ADAMDEC1: variants seen among roughly 807,000 people sequenced by gnomAD.
ADAMDEC1 encodes ADAM DEC1.
ADAMDEC1 carries 62 observed loss-of-function variants against 60.4 expected under a neutral mutation model. That is an observed-to-expected ratio of 1.03 (90% CI 0.84 to 1.27). The LOEUF (loss-of-function observed/expected upper bound fraction) is 1.27, where lower values mean the gene tolerates loss of function less well. Among genes scored for constraint, ADAMDEC1 ranks in the 50% most tolerant of loss-of-function variants. ADAMDEC1 has a pLI of 0.00. For synonymous variants in ADAMDEC1, 210 were observed against 195.1 expected (o/e 1.08, Z -0.64); for missense variants, 595 against 565.0 (o/e 1.05, Z -0.54).
chr8:24,401,766 C>G, intron 11 of ADAMDEC1, 149 bp from the exon 12 acceptor site: 1 of 662,882 alleles, frequency 1.5e-6, no homozygotes. Context: ...CAGGGCAGTC[C>G]TAAATGGTTG....
At chr8:24,394,251 C>A in intron 4 of ADAMDEC1, 104 bp downstream of exon 4, 2 of 874,032 alleles carry the variant, frequency 2.3e-6, no homozygotes, top group South Asian at 3.7e-5. Context: ...TTATAAAATT[C>A]ATAGGTCCAT....
intron 1 of ADAMDEC1, among the ~76,000 whole-genome samples, chr8:24,388,243 C>T (rs1248103770): frequency 2.0e-5 from 3 of 152,096 alleles, no homozygotes. Flanking sequence ...CGTCCTTTCC[C>T]TATAGTTTTT....
intron 1 of ADAMDEC1, chr8:24,387,709 C>T (rs1817330178): frequency 6.6e-6 from 1 of 152,198 alleles, no homozygotes; most frequent in Non-Finnish European, 1.5e-5. Flanking sequence ...GCTTGAAAAT[C>T]CCCTCAAACT....
chr8:24,403,744 A>G (rs533526793), intron 12 of ADAMDEC1, among the ~76,000 whole-genome samples: 9 of 152,278 alleles, frequency 5.9e-5, no homozygotes, highest in Admixed American at 2.6e-4. Flanking sequence ...GGACTTACAC[A>G]TCATACATCT....
At chr8:24,389,006 G>C (rs1047746709) in intron 1 of ADAMDEC1, among the ~76,000 whole-genome samples, 11 of 152,148 alleles carry the variant, frequency 7.2e-5, no homozygotes, top group African/African-American at 2.4e-4. Context: ...GTTCAGAAGG[G>C]ATGTACGGGA....
At position 24,397,375 on chromosome 8, in the gene ADAMDEC1, A is replaced by C; in HGVS notation, c.546A>C (p.Pro182=). ...CATCTAACCAGGAGGAACAAGACCC[A>C]GCTAACCACACATGTGGTGTGAAGA... ...VFTSNQEEQD[P]ANHTCGVKST... is the part of the protein sequence containing the mutation. The change falls in exon 6 of 14, where the codon CCA becomes CCC. Residue 182 remains proline (P), a synonymous_variant. Transcript: ENST00000256412. 6.2e-7 allele frequency: 1 copy of C among 1,614,136 alleles called. No homozygotes were observed. The highest frequency in any genetic ancestry group is 8.5e-7 in the Non-Finnish European group (1 of 1,179,978).
At chr8:24,392,513 C>T (rs1431528113) in intron 2 of ADAMDEC1, 133 bp downstream of exon 2, 18 of 604,280 alleles carry the variant, frequency 3.0e-5, no homozygotes, top group Non-Finnish European at 4.2e-5. Context: ...TACAACTCCC[C>T]TTTGTTCAGG....
At chr8:24,395,828 A>C in intron 5 of ADAMDEC1, 32 bp downstream of exon 5, 1 of 1,550,030 alleles carries the variant, frequency 6.5e-7, no homozygotes, top group Non-Finnish European at 8.9e-7. Context: ...ACTCAAGATC[A>C]AGAAGCTTTT....
At chr8:24,398,733 C>T in intron 8 of ADAMDEC1, 141 bp from the exon 9 acceptor site, 2 of 1,031,476 alleles carry the variant, frequency 1.9e-6, no homozygotes, top group Non-Finnish European at 2.8e-6. Context: ...GCAACAAAGA[C>T]AACTTTTAAA....
At chr8:24,399,088 C>T in intron 9 of ADAMDEC1, 48 bp downstream of exon 9, 1 of 1,564,860 alleles carries the variant, frequency 6.4e-7, no homozygotes, top group Non-Finnish European at 8.7e-7. Flanking sequence ...GATAGCTATC[C>T]CCAGGGTTCC....
intron 4 of ADAMDEC1, among the ~76,000 whole-genome samples, chr8:24,394,715 G>A (rs915869204): frequency 2.0e-5 from 3 of 151,776 alleles, no homozygotes; most frequent in African/African-American, 7.3e-5. Flanking sequence ...ATCCTACAAG[G>A]TACCCTAAAC....
chr8:24,392,476 T>A, intron 2 of ADAMDEC1, 96 bp downstream of exon 2: 1 of 884,396 alleles, frequency 1.1e-6, no homozygotes, highest in Non-Finnish European at 1.7e-6. Context: ...AGTTACTATG[T>A]AATAGTTTCA....
In ADAMDEC1 at chr8:24,390,322, G is replaced by C. The variant is rs1458624591; in HGVS notation, c.89-1940G>C. 2.6e-5 allele frequency: 14 copies of C among 528,442 alleles called. No homozygotes were observed. In the South Asian group the frequency reaches 2.8e-4, roughly 10 times the overall value. The allele number at this position is 528,442 out of a possible 1,614,324, so 32.7% of individuals were successfully genotyped here. On this transcript the variant is annotated intron_variant, in intron 1 of 13. Coordinates refer to ENST00000256412, the MANE Select transcript of ADAMDEC1 (RefSeq NM_014479.3). ...ATTTGAGACATCATAGTTAAAATAA[G>C]AGTATAATATTGACCCAATGTCTCC...
intron 1 of ADAMDEC1, chr8:24,390,017 T>C (rs1044308345): frequency 5.7e-6 from 2 of 351,118 alleles, no homozygotes; most frequent in African/African-American, 2.1e-5. Context: ...TTTTTCATAA[T>C]GTATGCTTCA....
At chr8:24,393,410 C>T (rs1277494249) in intron 3 of ADAMDEC1, 72 bp downstream of exon 3, 12 of 1,077,364 alleles carry the variant, frequency 1.1e-5, no homozygotes, top group African/African-American at 1.6e-5. Flanking sequence ...TTTTGAGGCT[C>T]CATTTAGTGT....
chr8:24,385,195 T>A (rs1488259163), intron 1 of ADAMDEC1, among the ~76,000 whole-genome samples: 4 of 152,188 alleles, frequency 2.6e-5, no homozygotes, highest in Middle Eastern at 3.2e-3. Flanking sequence ...ATAATAAGCA[T>A]GTTAAAAGCC....
At chr8:24,390,522 C>G (rs1024135400) in intron 1 of ADAMDEC1, among the ~76,000 whole-genome samples, 4 of 152,122 alleles carry the variant, frequency 2.6e-5, no homozygotes, top group African/African-American at 9.7e-5. Context: ...GAGTTCGAGA[C>G]CAGCCTGACC....
chr8:24,401,840 TTA>T, intron 11 of ADAMDEC1, 73 bp from the exon 12 acceptor site: 2 of 1,245,186 alleles, frequency 1.6e-6, no homozygotes, highest in Non-Finnish European at 2.2e-6. Context: ...TCGTGTTTCT[TTA>T]TCTTTATTCT....
rs745572485 is a variant in ADAMDEC1, at chr8:24,393,335, C to A, written c.281C>A (p.Thr94Asn). The A allele has an allele frequency of 1.0e-5, 16 of 1,591,750 alleles. No individual in the cohort carries two copies. The highest frequency in any genetic ancestry group is 3.4e-5 in the South Asian group (3 of 88,772). The change falls in exon 3 of 14, where the codon ACC becomes AAC. Residue 94 changes from threonine (T) to asparagine (N), a missense_variant. Physicochemically the swap from Thr to Asn is moderately conservative, Grantham distance 65. Coordinates refer to ENST00000256412, the MANE Select transcript of ADAMDEC1 (RefSeq NM_014479.3). ...GAAATCATTCTCTCCCTACAAAAAA[C>A]CAAGTAAGTTGTACCTCCTAAAAGT... ...GEEIILSLQK[T>N]KHLLGPDYTE...
Sources: gnomAD v4.1 joint callset for allele counts (sites outside exome capture counted in the v4.1 genomes callset) on GRCh38, gnomAD v4.1.1 for gene constraint, MANE v1.5 for transcripts, NCBI Gene and HGNC (gene_info 2026-07-23, HGNC 2026-07-21) for gene names.